The following SLC24A2 variants were observed in gnomAD, a reference collection of about 807,000 sequenced individuals.
SLC24A2 encodes the protein solute carrier family 24 member 2.
In SLC24A2, 36 loss-of-function variants were observed where a neutral mutation model predicts 62.0. The observed-to-expected ratio is 0.58, with a 90% CI of 0.44 to 0.77. The LOEUF (loss-of-function observed/expected upper bound fraction) is 0.77. Among genes scored for constraint, SLC24A2 ranks in the 30% least tolerant of loss-of-function variants. The pLI, the probability that SLC24A2 is intolerant of heterozygous loss-of-function variation, is 0.00. For missense variants in SLC24A2, 846 were observed against 817.9 expected, an observed-to-expected ratio of 1.03 and a Z score of -0.42; for synonymous variants, 358 against 294.0, an observed-to-expected ratio of 1.22 and a Z score of -2.23.
chr9:19,575,372 T>C (rs1392462527), intron 6 of SLC24A2, among the ~76,000 whole-genome samples: 2 of 152,156 alleles, frequency 1.3e-5, no homozygotes, highest in Non-Finnish European at 2.9e-5. Context: ...AATGGTCAAA[T>C]TGACCCTAGC....
At chr9:20,226,089 T>C in the SLC24A2 span, among the ~76,000 whole-genome samples, 7 of 152,120 alleles carry the variant, frequency 4.6e-5, no homozygotes, top group Non-Finnish European at 1.0e-4. Flanking sequence ...ATCAACCACA[T>C]TGGAGAAAGT....
chr9:19,571,028 G>A (rs1835822900), intron 7 of SLC24A2, among the ~76,000 whole-genome samples: 2 of 152,196 alleles, frequency 1.3e-5, no homozygotes, highest in Non-Finnish European at 2.9e-5. Flanking sequence ...TTGCTCCCCT[G>A]CAGCAAGGTC....
intron 2 of SLC24A2, among the ~76,000 whole-genome samples, chr9:19,744,006 T>C (rs1821755950): frequency 6.6e-6 from 1 of 152,100 alleles, no homozygotes; most frequent in Non-Finnish European, 1.5e-5. Flanking sequence ...CCAGTCCTGA[T>C]CATCACCGCA....
chr9:20,245,158 C>A, the SLC24A2 span, among the ~76,000 whole-genome samples: 2 of 152,122 alleles, frequency 1.3e-5, no homozygotes, highest in Non-Finnish European at 1.5e-5. Context: ...ATCCATGGTT[C>A]CTGCCCTCAA....
the SLC24A2 span, among the ~76,000 whole-genome samples, chr9:19,887,677 GTGAGCCAGCAATCCCATT>G: frequency 6.6e-6 from 1 of 152,172 alleles, no homozygotes; most frequent in Non-Finnish European, 1.5e-5. Context: ...GAACTACCAT[GTGAGCCAGCAATCCCATT>G]GCTGGGTATC....
At position 19,516,088 on chromosome 9, in the gene SLC24A2, G is replaced by A. The variant is rs1832909521; in HGVS notation, c.*65C>T. 4.4e-5 allele frequency: 70 copies of A among 1,603,672 alleles called. No individual in the cohort carries two copies. In the South Asian group the frequency reaches 7.5e-4, roughly 17 times the overall value. ...CAGCTGCCTCTTCTCAAGAGGTCAA[G>A]GAGCCCAGAGCCCAGAGTGTGGAGG... is the stretch of plus-strand genomic sequence containing the variant. On this transcript the variant is annotated 3_prime_UTR_variant, in exon 11 of 11. Coordinates refer to ENST00000341998, the MANE Select transcript of SLC24A2 (RefSeq NM_020344.4).
chr9:20,194,481 AG>A, the SLC24A2 span, among the ~76,000 whole-genome samples: 2 of 152,098 alleles, frequency 1.3e-5, no homozygotes, highest in Non-Finnish European at 2.9e-5. Context: ...ATTAATTTAT[AG>A]GTTGGTTACT....
the SLC24A2 span, among the ~76,000 whole-genome samples, chr9:19,902,904 A>C: frequency 6.6e-6 from 1 of 152,208 alleles, no homozygotes; most frequent in Non-Finnish European, 1.5e-5. Flanking sequence ...TCCTCCCTAA[A>C]TCACGTTCCC....
At chr9:19,987,714 C>A in the SLC24A2 span, among the ~76,000 whole-genome samples, 4 of 152,332 alleles carry the variant, frequency 2.6e-5, no homozygotes, top group African/African-American at 9.6e-5. Flanking sequence ...TCTGAGGAAA[C>A]TGTTAGCCTG....
chr9:20,145,453 G>A, the SLC24A2 span, among the ~76,000 whole-genome samples: 1 of 151,896 alleles, frequency 6.6e-6, no homozygotes, highest in Non-Finnish European at 1.5e-5. Context: ...AGTAGTCATC[G>A]ATCTCAACAG....
chr9:20,103,277 A>T, the SLC24A2 span, among the ~76,000 whole-genome samples: 12 of 152,204 alleles, frequency 7.9e-5, no homozygotes, highest in African/African-American at 2.9e-4. Context: ...CAGGGCACAG[A>T]CAAACAAAAA....
intron 2 of SLC24A2, among the ~76,000 whole-genome samples, chr9:19,746,665 T>G (rs1415924140): frequency 6.6e-6 from 1 of 152,190 alleles, no homozygotes; most frequent in Non-Finnish European, 1.5e-5. Flanking sequence ...CCAGTATTTC[T>G]GTCCTCACTT....
the SLC24A2 span, among the ~76,000 whole-genome samples, chr9:19,823,567 T>G: frequency 6.6e-6 from 1 of 151,948 alleles, no homozygotes; most frequent in Non-Finnish European, 1.5e-5. Flanking sequence ...AGTTGGAGGT[T>G]GCAGTGAGCT....
intron 8 of SLC24A2, among the ~76,000 whole-genome samples, chr9:19,546,606 T>A (rs1489135764): frequency 6.6e-6 from 1 of 152,120 alleles, no homozygotes; most frequent in Admixed American, 6.5e-5. Flanking sequence ...AAGTTGTGGA[T>A]CTTAGCTTGC....
At chr9:19,715,064 C>T (rs1447483899) in intron 2 of SLC24A2, among the ~76,000 whole-genome samples, 4 of 152,038 alleles carry the variant, frequency 2.6e-5, no homozygotes, top group Non-Finnish European at 5.9e-5. Context: ...CCACCACCAC[C>T]ACCAAACACC....
the SLC24A2 span, among the ~76,000 whole-genome samples, chr9:19,826,487 A>C: frequency 2.0e-5 from 3 of 152,172 alleles, no homozygotes; most frequent in Non-Finnish European, 4.4e-5. Flanking sequence ...GGTAATTTAT[A>C]AACAACAGAA....
chr9:19,616,888 G>GA (rs1177197927), intron 4 of SLC24A2, among the ~76,000 whole-genome samples: 2 of 152,064 alleles, frequency 1.3e-5, no homozygotes, highest in Non-Finnish European at 2.9e-5. Context: ...GTAACGCAGG[G>GA]AAAAATGGAA....
the SLC24A2 span, among the ~76,000 whole-genome samples, chr9:20,048,891 T>C: frequency 7.9e-5 from 12 of 151,878 alleles, no homozygotes; most frequent in East Asian, 2.3e-3. Context: ...TTTTCTTCTT[T>C]CCGCTTTTTT....
At chr9:19,763,610 A>G (rs1240741953) in intron 2 of SLC24A2, among the ~76,000 whole-genome samples, 3 of 152,198 alleles carry the variant, frequency 2.0e-5, no homozygotes, top group African/African-American at 7.2e-5. Flanking sequence ...GTGATGGATT[A>G]TGTTTATTGA....
Sources: allele counts gnomAD v4.1 joint callset (sites outside exome capture counted in the v4.1 genomes callset), GRCh38; gene constraint gnomAD v4.1.1; transcripts MANE v1.5; gene names NCBI Gene and HGNC (gene_info 2026-07-23, HGNC 2026-07-21).